Variants in SEC24B observed in about 807,000 individuals in gnomAD.
SEC24B encodes protein transport protein Sec24B.
In SEC24B, 45 loss-of-function variants were observed where a neutral mutation model predicts 142.8. That is an observed-to-expected ratio of 0.32 (90% CI 0.25 to 0.40). The LOEUF is 0.40. Among genes scored for constraint, SEC24B ranks in the 10% least tolerant of loss-of-function variants. The pLI is 1.00. For missense variants in SEC24B, 1,409 were observed against 1,526.8 expected, an observed-to-expected ratio of 0.92 and a Z score of 1.29; for synonymous variants, 574 against 568.2, an observed-to-expected ratio of 1.01 and a Z score of -0.15.
intron 4 of SEC24B, among the ~76,000 whole-genome samples, chr4:109,482,967 T>TAC (rs1432755826): frequency 3.3e-5 from 2 of 59,908 alleles, no homozygotes; most frequent in South Asian, 9.1e-4. Flanking sequence ...TATATATATA[T>TAC]ATATATATAT....
chr4:109,447,336 TA>T (rs201201750), intron 1 of SEC24B, among the ~76,000 whole-genome samples: 6 of 69,350 alleles, frequency 8.7e-5, no homozygotes, highest in South Asian at 6.1e-4. Context: ...ACACTTGTAT[TA>T]AAAAAAAAGT....
intron 1 of SEC24B, among the ~76,000 whole-genome samples, chr4:109,445,817 C>T (rs1056580188): frequency 1.3e-5 from 2 of 151,876 alleles, no homozygotes; most frequent in African/African-American, 4.8e-5. Context: ...AGCAATCCCC[C>T]TGCCTCAGCC....
rs368186947 is a variant in SEC24B, at chr4:109,468,592, T to C, written c.878-4412T>C. 1.7e-4 allele frequency among the ~76,000 whole-genome samples: 26 copies of C among 152,206 alleles called. 1 individual carries two copies. Among genetic ancestry groups the C allele is most frequent in the East Asian group, 1.2e-3 (6 of 5,188 alleles). ...AGATTTGTGTTTCAGAACTTTCTTC[T>C]GTGAACAGTGTAGTAGATAACTGGA... On this transcript the variant is annotated intron_variant, in intron 2 of 23. Coordinates refer to ENST00000265175, the MANE Select transcript of SEC24B (RefSeq NM_006323.5).
rs909754619 is a variant in SEC24B at position 109,512,047 on chromosome 4, A to G, written c.1867A>G (p.Arg623Gly). ...CTTTGTATCCTTCATTGATCAACGT[A>G]GATGGAAATGCAATTTGTGCTATAG... ...NPFVSFIDQR[R>G]WKCNLCYRVN... The change falls in exon 9 of 24, where the codon AGA (arginine) becomes GGA (glycine). Residue 623 changes from arginine to glycine, a missense_variant. By Grantham distance (125) the Arg-to-Gly change is moderately radical. Transcript: ENST00000265175. The G allele has an allele frequency of 1.9e-6, 3 of 1,613,362 alleles. No homozygotes were observed. Among genetic ancestry groups the G allele is most frequent in the Non-Finnish European group, 2.5e-6 (3 of 1,179,464 alleles).
intron 2 of SEC24B, among the ~76,000 whole-genome samples, 155 bp downstream of exon 2, chr4:109,463,799 C>T (rs763372175): frequency 1.7e-4 from 26 of 152,134 alleles, no homozygotes; most frequent in Non-Finnish European, 3.5e-4. Flanking sequence ...TCTTTGAACC[C>T]TTTCTTCTCA....
chr4:109,434,061 G>A lies in SEC24B; in HGVS notation c.133+59G>A, dbSNP rs1447010325. The A allele has an allele frequency of 4.9e-6, 5 of 1,016,770 alleles. No individual in the cohort carries two copies. In the East Asian group the frequency reaches 4.5e-4, roughly 91 times the overall value. The allele number at this position is 1,016,770 out of a possible 1,614,324, so 63.0% of individuals were successfully genotyped here. Reference sequence around the variant, plus strand: ...TAGCACCGGCTGGGCGGCCTGCACGGCCACATCGGGGCGGGGCGGGCCGGG... The same window carrying A: ...TAGCACCGGCTGGGCGGCCTGCACGACCACATCGGGGCGGGGCGGGCCGGG... On this transcript the variant is annotated intron_variant, in intron 1 of 23. Transcript: ENST00000265175.
chr4:109,531,295 C>CT, intron 19 of SEC24B, 90 bp from the exon 20 acceptor site: 1 of 1,115,484 alleles, frequency 9.0e-7, no homozygotes, highest in Non-Finnish European at 1.3e-6. Flanking sequence ...AAAGGCCATG[C>CT]TTTTTCCATG....
chr4:109,535,937 T>C (rs1339424931), intron 22 of SEC24B, among the ~76,000 whole-genome samples: 1 of 152,330 alleles, frequency 6.6e-6, no homozygotes, highest in South Asian at 2.1e-4. Context: ...CAAGGAAATA[T>C]GATTCTGAAA....
chr4:109,496,116 ATT>A (rs35448213), intron 6 of SEC24B, among the ~76,000 whole-genome samples: 1 of 145,782 alleles, frequency 6.9e-6, no homozygotes. Flanking sequence ...CAGGGAAACA[ATT>A]TTTTTTTTTT....
chr4:109,468,572 T>A (rs1732199678), intron 2 of SEC24B, among the ~76,000 whole-genome samples: 1 of 152,228 alleles, frequency 6.6e-6, no homozygotes, highest in Admixed American at 6.5e-5. Context: ...CTATCAGATT[T>A]GTGTTTCAGA....
intron 1 of SEC24B, among the ~76,000 whole-genome samples, chr4:109,441,889 C>G (rs1358635238): frequency 6.6e-6 from 1 of 152,166 alleles, no homozygotes; most frequent in African/African-American, 2.4e-5. Context: ...TACCTTCATC[C>G]TCAGGTATAT....
chr4:109,516,299 A>G (rs1315476547), intron 10 of SEC24B, among the ~76,000 whole-genome samples: 1 of 152,228 alleles, frequency 6.6e-6, no homozygotes, highest in Non-Finnish European at 1.5e-5. Flanking sequence ...TAACCCATCT[A>G]TTTAACTGTG....
At chr4:109,496,080 T>C (rs1735512986) in intron 6 of SEC24B, among the ~76,000 whole-genome samples, 1 of 152,160 alleles carries the variant, frequency 6.6e-6, no homozygotes, top group African/African-American at 2.4e-5. Context: ...CATTCACATC[T>C]ATATTTATTG....
intron 9 of SEC24B, among the ~76,000 whole-genome samples, chr4:109,513,128 C>G (rs1226853049): frequency 6.6e-6 from 1 of 151,292 alleles, no homozygotes; most frequent in East Asian, 1.9e-4. Context: ...GTGTCTGCCA[C>G]CATGTCTGGC....
chr4:109,471,074 T>C (rs200606346), intron 2 of SEC24B, among the ~76,000 whole-genome samples: 1 of 145,418 alleles, frequency 6.9e-6, no homozygotes, highest in East Asian at 1.9e-4. Context: ...ATTATGCATA[T>C]ATATGTATAT....
intron 2 of SEC24B, among the ~76,000 whole-genome samples, chr4:109,468,532 C>A (rs924738872): frequency 6.6e-6 from 1 of 152,158 alleles, no homozygotes; most frequent in Non-Finnish European, 1.5e-5. Flanking sequence ...AATCAGCAGC[C>A]ATTAAAAGTT....
intron 1 of SEC24B, among the ~76,000 whole-genome samples, chr4:109,445,464 C>T (rs1306399093): frequency 6.7e-6 from 1 of 148,816 alleles, no homozygotes; most frequent in Non-Finnish European, 1.5e-5. Context: ...ACTGTGTTAG[C>T]CAGGATGGTC....
intron 20 of SEC24B, among the ~76,000 whole-genome samples, chr4:109,531,856 C>A (rs181147294): frequency 9.3e-4 from 141 of 152,020 alleles, no homozygotes; most frequent in Non-Finnish European, 1.5e-3. Context: ...TCTTTATTTT[C>A]TTTTTTTTAA....
In SEC24B at chr4:109,511,970, TA is replaced by T. The variant is rs765203055; in HGVS notation, c.1792del (p.Thr598HisfsTer6). The T allele has an allele frequency of 6.2e-7, 1 of 1,611,804 alleles. No individual in the cohort carries two copies. The highest frequency in any genetic ancestry group is 1.1e-5 in the South Asian group (1 of 90,072). ...TTTATTTCCTAGCAATTACCAGTGA[TA>T]ACATCAAATACCATTGTGAGGTGCC... The part of the protein sequence containing the change: ...PFRDLTQLPV[I>X]TSNTIVRCRS... On this transcript the variant is annotated frameshift_variant, in exon 9 of 24. Transcript: ENST00000265175. LOFTEE classifies it high-confidence loss of function.
Sources: allele counts gnomAD v4.1 joint callset (sites outside exome capture counted in the v4.1 genomes callset), GRCh38; gene constraint gnomAD v4.1.1; transcripts MANE v1.5; gene names NCBI Gene and HGNC (gene_info 2026-07-23, HGNC 2026-07-21).